The following CASK variants were observed in gnomAD, a reference collection of about 807,000 sequenced individuals.
The protein encoded by CASK is peripheral plasma membrane protein CASK.
A neutral mutation model predicts 82.9 loss-of-function variants in CASK; 4 were observed. The observed-to-expected ratio is 0.05, with a 90% CI of 0.02 to 0.11. The LOEUF (loss-of-function observed/expected upper bound fraction) is 0.11. Among genes scored for constraint, CASK ranks in the 10% least tolerant of loss-of-function variants. The pLI, the probability that CASK is intolerant of heterozygous loss-of-function variation, is 1.00. For synonymous variants in CASK, 259 were observed against 253.5 expected, an observed-to-expected ratio of 1.02 and a Z score of -0.20; for missense variants, 358 against 720.9, an observed-to-expected ratio of 0.50 and a Z score of 5.76.
Position 41,784,999 on chromosome X carries a change from ATTC to A in CASK, c.278+2176_278+2178del, listed in dbSNP as rs1159704428. On this transcript the variant is annotated intron_variant, in intron 3 of 26. Transcript: ENST00000378163. ...TGAAGGGGTACATACGTTTTTCAAA[ATTC>A]TTTTTTTTTTTTTTTTTTTTTTGAG... is the stretch of plus-strand genomic sequence containing the variant. 8.9e-5 allele frequency among the ~76,000 whole-genome samples: 9 copies of A among 101,359 alleles called. No homozygotes were observed. In the Admixed American group the frequency reaches 9.7e-4, roughly 11 times the overall value. 88.0% of individuals were successfully genotyped at this position (101,359 alleles called of 115,157 possible).
At chrX:41,900,739 CTTTTTTTT>C (rs759671263) in intron 1 of CASK, among the ~76,000 whole-genome samples, 1 of 50,158 alleles carries the variant, frequency 2.0e-5, no homozygotes, top group Non-Finnish European at 3.3e-5. Flanking sequence ...ATTTTGAAAT[CTTTTTTTT>C]TTTTTTTTTT....
intron 2 of CASK, among the ~76,000 whole-genome samples, chrX:41,801,850 TTAAAA>T (rs1019306753): frequency 9.0e-6 from 1 of 111,278 alleles, no homozygotes; most frequent in African/African-American, 3.3e-5. Context: ...ATTAAACATG[TTAAAA>T]TAAAGACCCT....
chrX:41,741,589 C>A (rs894841998), intron 4 of CASK, among the ~76,000 whole-genome samples: 4 of 111,698 alleles, frequency 3.6e-5, no homozygotes, highest in African/African-American at 1.3e-4. Context: ...AGGCTTTTTT[C>A]ATTTGCATAT....
At chrX:41,690,373 C>G (rs2067523145) in intron 5 of CASK, among the ~76,000 whole-genome samples, 1 of 110,044 alleles carries the variant, frequency 9.1e-6, no homozygotes, top group South Asian at 3.9e-4. Context: ...TTGAGACAGA[C>G]TCTCGCTCTG....
At chrX:41,740,751 A>G (rs1339292932) in intron 4 of CASK, among the ~76,000 whole-genome samples, 1 of 112,894 alleles carries the variant, frequency 8.9e-6, no homozygotes, top group Admixed American at 9.4e-5. Context: ...GCTTTAAGCC[A>G]GAGAGCTAGG....
intron 5 of CASK, chrX:41,728,038 C>G (rs1158141970): frequency 5.7e-6 from 6 of 1,057,191 alleles, no homozygotes; most frequent in Non-Finnish European, 6.3e-6. Context: ...ATATGGTTGA[C>G]TTTTGAATGG....
chrX:41,549,848 T>TAAAAATA (rs759870932), intron 21 of CASK, among the ~76,000 whole-genome samples: 1 of 102,672 alleles, frequency 9.7e-6, no homozygotes, highest in African/African-American at 3.6e-5. Flanking sequence ...TTTAGAAGAA[T>TAAAAATA]AAAAATAAAA....
chrX:41,616,439 G>A (rs753862658), intron 11 of CASK, among the ~76,000 whole-genome samples: 12 of 110,806 alleles, frequency 1.1e-4, no homozygotes, highest in Non-Finnish European at 1.9e-4. Flanking sequence ...TCAATCCTGG[G>A]TTTGTTTGGC....
At chrX:41,882,066 G>T (rs2071963021) in intron 1 of CASK, among the ~76,000 whole-genome samples, 1 of 111,305 alleles carries the variant, frequency 9.0e-6, no homozygotes, top group Admixed American at 9.6e-5. Context: ...ACTGTGCCTG[G>T]TATTTAATAA....
At chrX:41,825,411 C>T (rs911272072) in intron 2 of CASK, among the ~76,000 whole-genome samples, 2 of 111,500 alleles carry the variant, frequency 1.8e-5, no homozygotes, top group Admixed American at 9.5e-5. Flanking sequence ...TTGATTGCCC[C>T]GAATCACAAA....
At chrX:41,537,744 C>T (rs1341087252) in intron 22 of CASK, among the ~76,000 whole-genome samples, 4 of 108,708 alleles carry the variant, frequency 3.7e-5, no homozygotes, top group African/African-American at 1.0e-4. Flanking sequence ...AGAGTGTAGA[C>T]GTGGAAGCCT....
chrX:41,708,599 C>G (rs1245064623), intron 5 of CASK, among the ~76,000 whole-genome samples: 3 of 112,139 alleles, frequency 2.7e-5, no homozygotes, highest in African/African-American at 9.7e-5. Flanking sequence ...TACTTTTTTT[C>G]TATCATGTGT....
At chrX:41,807,207 C>T (rs1241633980) in intron 2 of CASK, among the ~76,000 whole-genome samples, 2 of 110,538 alleles carry the variant, frequency 1.8e-5, no homozygotes, top group Non-Finnish European at 3.8e-5. Context: ...CCCATGGTAC[C>T]TTATCATTCT....
intron 1 of CASK, among the ~76,000 whole-genome samples, chrX:41,874,425 T>C (rs1249735839): frequency 3.6e-5 from 4 of 111,974 alleles, no homozygotes; most frequent in Non-Finnish European, 7.5e-5. Flanking sequence ...ACATGCAGTG[T>C]TTGGTCTTCT....
At chrX:41,772,979 C>T (rs775608393) in intron 3 of CASK, among the ~76,000 whole-genome samples, 4 of 111,307 alleles carry the variant, frequency 3.6e-5, no homozygotes, top group Non-Finnish European at 7.5e-5. Context: ...CCAGCCTGGG[C>T]GACAGGAGCA....
chrX:41,744,927 A>G (rs1285877971), intron 4 of CASK, among the ~76,000 whole-genome samples: 1 of 111,987 alleles, frequency 8.9e-6, no homozygotes, highest in Non-Finnish European at 1.9e-5. Context: ...GAGCTATTAG[A>G]TCCCCGCTTC....
At chrX:41,669,226 C>T (rs2067161525) in intron 6 of CASK, among the ~76,000 whole-genome samples, 1 of 111,496 alleles carries the variant, frequency 9.0e-6, no homozygotes, top group South Asian at 3.7e-4. Flanking sequence ...GAGAAAAATA[C>T]ATTTTGAATA....
At chrX:41,841,804 G>A (rs770470254) in intron 2 of CASK, among the ~76,000 whole-genome samples, 9 of 111,913 alleles carry the variant, frequency 8.0e-5, no homozygotes, top group Admixed American at 3.8e-4. Flanking sequence ...TTATGGGCAT[G>A]AGCCACCACG....
intron 2 of CASK, among the ~76,000 whole-genome samples, chrX:41,832,520 C>G (rs2070843854): frequency 8.9e-6 from 1 of 112,401 alleles, no homozygotes; most frequent in African/African-American, 3.2e-5. Flanking sequence ...GGTATACACC[C>G]AAGAGAACTG....
Sources: gnomAD v4.1 joint callset for allele counts (sites outside exome capture counted in the v4.1 genomes callset) on GRCh38, gnomAD v4.1.1 for gene constraint, MANE v1.5 for transcripts, NCBI Gene and HGNC (gene_info 2026-07-23, HGNC 2026-07-21) for gene names.